Variants in DENND4C observed in about 807,000 individuals in gnomAD.
DENND4C encodes the protein DENN domain-containing protein 4C.
Under a neutral mutation model 203.0 loss-of-function variants are expected in DENND4C, and 108 were observed. The observed-to-expected ratio is 0.53, with a 90% CI of 0.46 to 0.62. The LOEUF (loss-of-function observed/expected upper bound fraction) is 0.62. Ranked by LOEUF, DENND4C falls within the 20% of genes least tolerant of loss-of-function variation. DENND4C has a pLI of 0.00. For missense variants in DENND4C, 2,481 were observed against 2,301.2 expected (o/e 1.08, Z -1.60); for synonymous variants, 871 against 792.4 (o/e 1.10, Z -1.67).
chr9:19,366,844 AAGT>A (rs1489446480), intron 30 of DENND4C, among the ~76,000 whole-genome samples: 1 of 152,188 alleles, frequency 6.6e-6, no homozygotes, highest in African/African-American at 2.4e-5. Context: ...ACAAAAGAAA[AAGT>A]AGATAAGTTG....
chr9:19,327,947 T>C (rs775522751), intron 15 of DENND4C, 83 bp from the exon 16 acceptor site: 1 of 1,313,486 alleles, frequency 7.6e-7, no homozygotes, highest in Non-Finnish European at 1.0e-6. Context: ...ATTTGAAGTT[T>C]AGAAATATTT....
chr9:19,300,842 G>A (rs1311934453), intron 9 of DENND4C, among the ~76,000 whole-genome samples: 2 of 152,198 alleles, frequency 1.3e-5, no homozygotes, highest in African/African-American at 2.4e-5. Context: ...AGAAATTAAA[G>A]TTGTTCCCTG....
intron 23 of DENND4C, among the ~76,000 whole-genome samples, 193 bp downstream of exon 23, chr9:19,347,279 T>C (rs1411674092): frequency 6.6e-6 from 1 of 152,136 alleles, no homozygotes; most frequent in African/African-American, 2.4e-5. Flanking sequence ...TATAGGGGTG[T>C]GCCACCATGC....
At chr9:19,356,262 TCATTA>T (rs1263564238) in intron 26 of DENND4C, among the ~76,000 whole-genome samples, 1 of 152,176 alleles carries the variant, frequency 6.6e-6, no homozygotes, top group African/African-American at 2.4e-5. Context: ...GATATGCATA[TCATTA>T]GAGTTCAGTA....
chr9:19,255,613 G>A (rs987159382), intron 1 of DENND4C, among the ~76,000 whole-genome samples: 6 of 152,144 alleles, frequency 3.9e-5, no homozygotes, highest in African/African-American at 1.2e-4. Context: ...TATCAGGAAT[G>A]AAGAAGGGTA....
intron 17 of DENND4C, among the ~76,000 whole-genome samples, chr9:19,332,405 G>A (rs183194640): frequency 6.6e-6 from 1 of 152,084 alleles, no homozygotes; most frequent in Non-Finnish European, 1.5e-5. Flanking sequence ...CACCCAGGCT[G>A]GAGTTCAGCA....
At chr9:19,238,465 TCCCTCTCCCC>T (rs1822630099) in intron 1 of DENND4C, among the ~76,000 whole-genome samples, 3 of 14,036 alleles carry the variant, frequency 2.1e-4, no homozygotes, top group Non-Finnish European at 3.9e-4. Flanking sequence ...TCCCCTCCCC[TCCCTCTCCCC>T]TCCCCTCCCC....
In DENND4C at chr9:19,277,608, A is replaced by G. The variant is rs535734305; in HGVS notation, c.305+1129A>G. Among the ~76,000 whole-genome samples the G allele has an allele frequency of 2.6e-5, 4 of 152,042 alleles. No individual in the cohort carries two copies. In the East Asian group the frequency reaches 7.7e-4, roughly 29 times the overall value. On this transcript the variant is annotated intron_variant, in intron 2 of 32. Transcript: ENST00000434457. ...ATAGGATCATGTCATCTGCAAATAG[A>G]AATAGTTTTACTCCTTCCTTTGCAG...
At chr9:19,270,177 T>A (rs1368786654) in intron 1 of DENND4C, among the ~76,000 whole-genome samples, 1 of 152,166 alleles carries the variant, frequency 6.6e-6, no homozygotes, top group East Asian at 1.9e-4. Context: ...CAAGCACCCC[T>A]GCAACCACCA....
intron 20 of DENND4C, among the ~76,000 whole-genome samples, chr9:19,340,430 C>A (rs1157960995): frequency 1.5e-4 from 23 of 152,054 alleles, no homozygotes; most frequent in Admixed American, 1.5e-3. Context: ...TCATTTGTTT[C>A]CATTTGCATT....
chr9:19,276,672 C>T, intron 2 of DENND4C, 193 bp downstream of exon 2: 1 of 383,370 alleles, frequency 2.6e-6, no homozygotes, highest in Non-Finnish European at 4.5e-6. Flanking sequence ...AATTTCTTTG[C>T]ATTGCCTTGA....
At chr9:19,243,145 T>C (rs1004941366) in intron 1 of DENND4C, among the ~76,000 whole-genome samples, 1 of 152,164 alleles carries the variant, frequency 6.6e-6, no homozygotes, top group Admixed American at 6.6e-5. Context: ...CACTCTCCAA[T>C]CCCTCTCTCC....
chr9:19,319,381 C>CATATATATATACATATATATACACACAT (rs1842461811), intron 12 of DENND4C, among the ~76,000 whole-genome samples: 5 of 135,280 alleles, frequency 3.7e-5, no homozygotes, highest in African/African-American at 1.5e-4. Context: ...TATACACATA[C>CATATATATATACATATATATACACACAT]ATATATATAT....
intron 9 of DENND4C, among the ~76,000 whole-genome samples, chr9:19,302,585 AG>A (rs1838804761): frequency 1.3e-5 from 2 of 152,156 alleles, no homozygotes; most frequent in Admixed American, 6.6e-5. Flanking sequence ...AAGTCCTTGC[AG>A]GATCCTTTGT....
chr9:19,233,426 T>C (rs575881443), intron 1 of DENND4C, among the ~76,000 whole-genome samples: 1 of 152,346 alleles, frequency 6.6e-6, no homozygotes, highest in East Asian at 1.9e-4. Flanking sequence ...GATTGTAGGA[T>C]ATTCCAAAAT....
chr9:19,256,898 G>C (rs1405554312), intron 1 of DENND4C, among the ~76,000 whole-genome samples: 4 of 151,812 alleles, frequency 2.6e-5, no homozygotes, highest in African/African-American at 4.8e-5. Flanking sequence ...GTGAAACCCT[G>C]TTGCTACTAA....
chr9:19,354,436 T>C (rs995988741), intron 26 of DENND4C, among the ~76,000 whole-genome samples: 1 of 152,214 alleles, frequency 6.6e-6, no homozygotes, highest in Non-Finnish European at 1.5e-5. Flanking sequence ...GAATTCTCAT[T>C]TCTATATAGC....
chr9:19,364,216 CAT>C (rs1480659834), intron 30 of DENND4C, among the ~76,000 whole-genome samples: 1 of 151,424 alleles, frequency 6.6e-6, no homozygotes, highest in Non-Finnish European at 1.5e-5. Flanking sequence ...AAAAGGAAAA[CAT>C]AAACTTGTAA....
At chr9:19,327,671 A>G (rs1818103774) in intron 15 of DENND4C, among the ~76,000 whole-genome samples, 1 of 151,960 alleles carries the variant, frequency 6.6e-6, no homozygotes, top group Non-Finnish European at 1.5e-5. Flanking sequence ...ATGCAAGGTA[A>G]TTTTATGAAG....
Sources: gnomAD v4.1 joint callset for allele counts (sites outside exome capture counted in the v4.1 genomes callset) on GRCh38, gnomAD v4.1.1 for gene constraint, MANE v1.5 for transcripts, NCBI Gene and HGNC (gene_info 2026-07-23, HGNC 2026-07-21) for gene names.